DTNB: variants seen among roughly 807,000 people sequenced by gnomAD.
DTNB encodes the protein DTN-B.
A neutral mutation model predicts 90.7 loss-of-function variants in DTNB; 63 were observed. That is an observed-to-expected ratio of 0.69 (90% confidence interval 0.57 to 0.86). The LOEUF (loss-of-function observed/expected upper bound fraction) is 0.86. Ranked by LOEUF, DTNB falls within the 40% of genes least tolerant of loss-of-function variation. The pLI is 0.00. For missense variants in DTNB, 744 were observed against 807.1 expected (o/e 0.92, Z 0.95); for synonymous variants, 277 against 286.7 (o/e 0.97, Z 0.34).
chr2:25,385,052 AT>A (rs1462417605), intron 18 of DTNB, among the ~76,000 whole-genome samples: 1 of 151,514 alleles, frequency 6.6e-6, no homozygotes, highest in African/African-American at 2.4e-5. Flanking sequence ...CTAATTTTGT[AT>A]TTTTAGTAGA....
chr2:25,527,447 C>T (rs1294089414), intron 9 of DTNB, among the ~76,000 whole-genome samples: 1 of 151,656 alleles, frequency 6.6e-6, no homozygotes, highest in African/African-American at 2.4e-5. Flanking sequence ...CACTTGAACC[C>T]GGGAGGGGGA....
chr2:25,586,571 C>T (rs541508992), intron 6 of DTNB, among the ~76,000 whole-genome samples: 30 of 151,048 alleles, frequency 2.0e-4, no homozygotes, highest in Non-Finnish European at 2.7e-4. Context: ...TAGTATCGAT[C>T]GTTTTCCAGA....
chr2:25,484,734 A>C (rs2065780111), intron 9 of DTNB, among the ~76,000 whole-genome samples: 1 of 152,224 alleles, frequency 6.6e-6, no homozygotes, highest in Admixed American at 6.5e-5. Context: ...CATGTCTCTA[A>C]GTAAGACATT....
At chr2:25,395,276 T>G (rs1278353386) in intron 16 of DTNB, among the ~76,000 whole-genome samples, 1 of 152,052 alleles carries the variant, frequency 6.6e-6, no homozygotes, top group Non-Finnish European at 1.5e-5. Flanking sequence ...TGGGGTACAG[T>G]GTACACTGCT....
chr2:25,597,038 C>A (rs2064802236), intron 5 of DTNB, among the ~76,000 whole-genome samples: 2 of 152,146 alleles, frequency 1.3e-5, no homozygotes, highest in South Asian at 4.1e-4. Flanking sequence ...GTTTTTCAAT[C>A]TGTTGAACTT....
At position 25,452,702 on chromosome 2, in the gene DTNB, A is replaced by C. The variant is rs115781714; in HGVS notation, c.1170-1067T>G. On this transcript the variant is annotated intron_variant, in intron 11 of 20. Transcript: ENST00000406818. ...GGCTAAATCAATAAAGACCTGTCTG[A>C]ACTTTTCATGTGTAGAATCAACTAT... Among the ~76,000 whole-genome samples the C allele has an allele frequency of 3.7e-3, 561 of 152,140 alleles. 5 individuals are homozygous for C. The highest frequency in any genetic ancestry group is 0.013 in the African/African-American group (529 of 41,514).
intron 18 of DTNB, 52 bp from the exon 19 acceptor site, chr2:25,383,941 C>G: frequency 6.2e-7 from 1 of 1,613,632 alleles, no homozygotes; most frequent in East Asian, 2.2e-5. Flanking sequence ...AGGACAAGTA[C>G]AGAAGGAGGG....
intron 12 of DTNB, among the ~76,000 whole-genome samples, chr2:25,437,702 T>A (rs2056304222): frequency 6.6e-6 from 1 of 152,314 alleles, no homozygotes; most frequent in East Asian, 1.9e-4. Context: ...ACTTTGTTGA[T>A]CCAGTTCATA....
At chr2:25,599,308 C>A (rs2065310915) in intron 5 of DTNB, among the ~76,000 whole-genome samples, 1 of 151,490 alleles carries the variant, frequency 6.6e-6, no homozygotes, top group Non-Finnish European at 1.5e-5. Context: ...AAAGATATTA[C>A]ACTTAGCTTT....
intron 13 of DTNB, 102 bp downstream of exon 13, chr2:25,433,808 C>A: frequency 2.2e-6 from 3 of 1,356,748 alleles, no homozygotes; most frequent in Non-Finnish European, 3.1e-6. Context: ...GCAAGGTCTT[C>A]CTTGGCGGTC....
chr2:25,624,585 T>C (rs924772478), intron 4 of DTNB, among the ~76,000 whole-genome samples: 1 of 152,156 alleles, frequency 6.6e-6, no homozygotes, highest in African/African-American at 2.4e-5. Context: ...TATACACATG[T>C]TGTTATGAAA....
intron 8 of DTNB, among the ~76,000 whole-genome samples, chr2:25,551,210 A>G (rs1054311198): frequency 6.6e-6 from 1 of 152,108 alleles, no homozygotes; most frequent in African/African-American, 2.4e-5. Context: ...TTTCATTTTC[A>G]CGACTGCCTG....
At chr2:25,663,177 C>G (rs905820536) in intron 1 of DTNB, among the ~76,000 whole-genome samples, 1 of 151,538 alleles carries the variant, frequency 6.6e-6, no homozygotes, top group African/African-American at 2.4e-5. Context: ...GTTTTCTGTT[C>G]CTGTGTTGGT....
At chr2:25,463,564 T>C (rs6546201) in intron 10 of DTNB, among the ~76,000 whole-genome samples, 117,388 of 152,272 alleles carry the variant, frequency 0.77, 46,016 homozygotes, top group African/African-American at 0.92. Context: ...TAAAAACCAC[T>C]GAATTGTACA....
intron 9 of DTNB, among the ~76,000 whole-genome samples, chr2:25,523,435 T>C (rs1449580508): frequency 6.6e-6 from 1 of 151,968 alleles, no homozygotes; most frequent in Non-Finnish European, 1.5e-5. Context: ...AGGTCAGGAG[T>C]TCGAGACCAG....
At chr2:25,560,185 G>T (rs1011034368) in intron 8 of DTNB, among the ~76,000 whole-genome samples, 8 of 152,238 alleles carry the variant, frequency 5.3e-5, no homozygotes, top group African/African-American at 1.9e-4. Context: ...GGAGGTTGCG[G>T]TGAGCTGAGA....
intron 5 of DTNB, among the ~76,000 whole-genome samples, chr2:25,604,934 G>T (rs1475972866): frequency 6.6e-6 from 1 of 151,920 alleles, no homozygotes; most frequent in Non-Finnish European, 1.5e-5. Context: ...GCCCAGGCTG[G>T]TCTCAAACTC....
intron 7 of DTNB, 128 bp downstream of exon 7, chr2:25,580,593 T>C (rs1307694380): frequency 1.1e-6 from 1 of 935,642 alleles, no homozygotes; most frequent in Non-Finnish European, 1.6e-6. Flanking sequence ...AACCACAAAA[T>C]GAAATGACAG....
chr2:25,411,736 A>G (rs1383630949), intron 16 of DTNB, among the ~76,000 whole-genome samples: 1 of 152,220 alleles, frequency 6.6e-6, no homozygotes, highest in Non-Finnish European at 1.5e-5. Flanking sequence ...CATGTCAACC[A>G]TGAAATAACT....
Sources: gnomAD v4.1 joint callset for allele counts (sites outside exome capture counted in the v4.1 genomes callset) on GRCh38, gnomAD v4.1.1 for gene constraint, MANE v1.5 for transcripts, NCBI Gene and HGNC (gene_info 2026-07-23, HGNC 2026-07-21) for gene names.